The following CACNA1E variants were observed in gnomAD, a reference collection of about 807,000 sequenced individuals.
CACNA1E encodes calcium voltage-gated channel subunit alpha1 E, also known as voltage-dependent R-type calcium channel subunit alpha-1E.
A neutral mutation model predicts 259.2 loss-of-function variants in CACNA1E; 40 were observed. The observed-to-expected ratio is 0.15, with a 90% confidence interval of 0.12 to 0.20. The LOEUF (loss-of-function observed/expected upper bound fraction) is 0.20. Ranked by LOEUF, CACNA1E falls within the 10% of genes least tolerant of loss-of-function variation. The pLI is 1.00. For missense variants in CACNA1E, 1,874 were observed against 3,040.1 expected, an observed-to-expected ratio of 0.62 and a Z score of 9.02; for synonymous variants, 1,104 against 1,138.5, an observed-to-expected ratio of 0.97 and a Z score of 0.61.
intron 3 of CACNA1E, among the ~76,000 whole-genome samples, chr1:181,523,270 G>T (rs1339906032): frequency 6.6e-6 from 1 of 152,196 alleles, no homozygotes; most frequent in Non-Finnish European, 1.5e-5. Context: ...GCTGTGACTG[G>T]TCTGAACTCT....
intron 6 of CACNA1E, among the ~76,000 whole-genome samples, chr1:181,639,618 A>G (rs116157292): frequency 8.8e-4 from 134 of 152,258 alleles, no homozygotes; most frequent in African/African-American, 3.2e-3. Context: ...TTCCACCCTA[A>G]TGAACGGCAG....
intron 25 of CACNA1E, among the ~76,000 whole-genome samples, chr1:181,741,762 G>T (rs993291256): frequency 6.6e-6 from 1 of 152,176 alleles, no homozygotes; most frequent in African/African-American, 2.4e-5. Context: ...GAAACATGGC[G>T]GTGGTGGCTT....
At chr1:181,385,497 A>G (rs1655777297) in intron 1 of CACNA1E, among the ~76,000 whole-genome samples, 1 of 152,168 alleles carries the variant, frequency 6.6e-6, no homozygotes, top group African/African-American at 2.4e-5. Context: ...AGGGATGGGG[A>G]TATTCAAGGA....
At chr1:181,542,517 C>A (rs1429168721) in intron 3 of CACNA1E, among the ~76,000 whole-genome samples, 3 of 151,874 alleles carry the variant, frequency 2.0e-5, no homozygotes, top group Non-Finnish European at 2.9e-5. Flanking sequence ...GGTGGTTTCC[C>A]CCATGCTGTT....
At chr1:181,551,535 T>C (rs1327282644) in intron 3 of CACNA1E, among the ~76,000 whole-genome samples, 1 of 152,182 alleles carries the variant, frequency 6.6e-6, no homozygotes. Context: ...GAAACCTTCA[T>C]TGTTGAATAT....
intron 2 of CACNA1E, among the ~76,000 whole-genome samples, chr1:181,466,551 CAAAACAA>C (rs1439340409): frequency 4.6e-5 from 7 of 151,468 alleles, no homozygotes; most frequent in Non-Finnish European, 1.0e-4. Flanking sequence ...CTGTCTTAAA[CAAAACAA>C]AAAATAAAAC....
intron 2 of CACNA1E, among the ~76,000 whole-genome samples, chr1:181,441,406 T>C (rs1420032441): frequency 1.3e-5 from 2 of 152,184 alleles, no homozygotes; most frequent in African/African-American, 4.8e-5. Context: ...TCCCTCAGCC[T>C]CCCAAAGTGC....
intron 27 of CACNA1E, among the ~76,000 whole-genome samples, chr1:181,753,178 C>T (rs552315179): frequency 1.3e-5 from 2 of 152,350 alleles, no homozygotes; most frequent in Non-Finnish European, 2.9e-5. Context: ...AGCAAGCAGA[C>T]TCAATTCCCT....
intron 7 of CACNA1E, among the ~76,000 whole-genome samples, chr1:181,669,258 G>A (rs1648553573): frequency 1.3e-5 from 2 of 152,126 alleles, no homozygotes; most frequent in South Asian, 2.1e-4. Context: ...TTAAAGAAAA[G>A]GTCCAAATTA....
intron 1 of CACNA1E, among the ~76,000 whole-genome samples, chr1:181,410,628 G>C (rs916061399): frequency 1.3e-5 from 2 of 152,156 alleles, no homozygotes; most frequent in Non-Finnish European, 1.5e-5. Flanking sequence ...TAACGAGGAG[G>C]GGGGCTGGGA....
intron 1 of CACNA1E, among the ~76,000 whole-genome samples, chr1:181,355,972 T>G (rs1410998116): frequency 6.6e-6 from 1 of 152,218 alleles, no homozygotes; most frequent in East Asian, 1.9e-4. Flanking sequence ...AAAGTTGTTT[T>G]AAGTGTTTCA....
chr1:181,797,113 A>G (rs927971016), intron 47 of CACNA1E, among the ~76,000 whole-genome samples: 1 of 152,206 alleles, frequency 6.6e-6, no homozygotes, highest in African/African-American at 2.4e-5. Context: ...CAGCCTTCAG[A>G]AACCAGAGAT....
At chr1:181,777,536 C>T (rs1403941044) in intron 38 of CACNA1E, among the ~76,000 whole-genome samples, 1 of 152,166 alleles carries the variant, frequency 6.6e-6, no homozygotes, top group Admixed American at 6.5e-5. Context: ...ACAGCTTTTT[C>T]TTTCTGGTCT....
chr1:181,440,186 G>C (rs1263827307), intron 2 of CACNA1E, among the ~76,000 whole-genome samples: 1 of 152,096 alleles, frequency 6.6e-6, no homozygotes, highest in Non-Finnish European at 1.5e-5. Context: ...TATTTTTTAG[G>C]TTGCATGAGT....
intron 1 of CACNA1E, among the ~76,000 whole-genome samples, chr1:181,510,147 G>T (rs949379303): frequency 6.6e-6 from 1 of 152,156 alleles, no homozygotes; most frequent in Non-Finnish European, 1.5e-5. Context: ...TCTATTTTCA[G>T]CCTTGGTTAT....
intron 1 of CACNA1E, among the ~76,000 whole-genome samples, chr1:181,341,719 GGTT>G (rs1432197918): frequency 6.6e-6 from 1 of 152,050 alleles, no homozygotes; most frequent in African/African-American, 2.4e-5. Context: ...ATTCTTTCTC[GGTT>G]GTTCTCAAAA....
At chr1:181,679,647 A>G (rs192406303) in intron 7 of CACNA1E, among the ~76,000 whole-genome samples, 1 of 152,178 alleles carries the variant, frequency 6.6e-6, no homozygotes, top group African/African-American at 2.4e-5. Flanking sequence ...CATATTACCC[A>G]TCAGGATGGC....
At chr1:181,559,581 G>C (rs949259637) in intron 3 of CACNA1E, among the ~76,000 whole-genome samples, 2 of 152,232 alleles carry the variant, frequency 1.3e-5, no homozygotes, top group Non-Finnish European at 2.9e-5. Flanking sequence ...ATTTCAAGGA[G>C]AGGGTACTAA....
intron 32 of CACNA1E, among the ~76,000 whole-genome samples, chr1:181,760,599 T>A (rs1461947114): frequency 2.0e-5 from 3 of 152,208 alleles, no homozygotes; most frequent in African/African-American, 7.2e-5. Flanking sequence ...TAACAACAAT[T>A]GGTTGGCTAT....
Sources: allele counts gnomAD v4.1 joint callset (sites outside exome capture counted in the v4.1 genomes callset), GRCh38; gene constraint gnomAD v4.1.1; transcripts MANE v1.5; gene names NCBI Gene and HGNC (gene_info 2026-07-23, HGNC 2026-07-21).